The following ZNF273 variants were observed in gnomAD, a reference collection of about 807,000 sequenced individuals.
ZNF273 encodes the protein zinc finger protein 273.
ZNF273 carries 11 observed loss-of-function variants against 14.9 expected under a neutral mutation model. That is an observed-to-expected ratio of 0.74 (90% CI 0.46 to 1.22). The LOEUF (loss-of-function observed/expected upper bound fraction) is 1.22. Ranked by LOEUF, ZNF273 falls within the 50% of genes most tolerant of loss-of-function variation. ZNF273 has a pLI of 0.00. For missense variants in ZNF273, 577 were observed against 660.6 expected (o/e 0.87, Z 1.39); for synonymous variants, 199 against 223.9 (o/e 0.89, Z 0.99).
At chr7:64,924,413 T>C (rs1270197494) in intron 3 of ZNF273, 1 of 152,218 alleles carries the variant, frequency 6.6e-6, no homozygotes, top group Non-Finnish European at 1.5e-5. Flanking sequence ...GAAAATGGGA[T>C]ATTAAAATAG....
chr7:64,921,698 T>C (rs1794476315), intron 3 of ZNF273, among the ~76,000 whole-genome samples: 1 of 137,488 alleles, frequency 7.3e-6, no homozygotes, highest in East Asian at 2.4e-4. Flanking sequence ...CGATCTCGGC[T>C]CACTGCAATC....
At chr7:64,900,671 GGGGCGGC>G (rs1220979042), upstream of ZNF273, among the ~76,000 whole-genome samples, 1 of 152,142 alleles carries the variant, frequency 6.6e-6, no homozygotes, top group East Asian at 1.9e-4. Flanking sequence ...AATTAGGGTG[GGGGCGGC>G]CAGATTTTCA....
At chr7:64,925,760 T>G (rs1175085669) in intron 3 of ZNF273, among the ~76,000 whole-genome samples, 1 of 152,172 alleles carries the variant, frequency 6.6e-6, no homozygotes, top group African/African-American at 2.4e-5. Flanking sequence ...TTTTCCTCAT[T>G]ACATCTGCCC....
downstream of ZNF273, among the ~76,000 whole-genome samples, chr7:64,932,709 G>T (rs1029364204): frequency 6.6e-6 from 1 of 151,992 alleles, no homozygotes; most frequent in East Asian, 2.0e-4. Context: ...ATTACTTAAG[G>T]CCAGGAGTGC....
chr7:64,886,341 C>T (rs2129035829), intron 1 of ZNF273, among the ~76,000 whole-genome samples: 1 of 152,280 alleles, frequency 6.6e-6, no homozygotes, highest in South Asian at 2.1e-4. Flanking sequence ...GTAGACATGT[C>T]AGGATGCAGA....
chr7:64,917,508 C>T (rs1794090402), intron 1 of ZNF273, 73 bp from the exon 2 acceptor site: 1 of 1,547,796 alleles, frequency 6.5e-7, no homozygotes. Flanking sequence ...TTTCGCATTC[C>T]ACCTTGAGTC....
rs940127674 is a variant in ZNF273, at chr7:64,930,307, G to T, written c.*1269G>T. The T allele has an allele frequency of 1.3e-5, 2 of 152,074 alleles. No homozygotes were observed. The highest frequency in any genetic ancestry group is 3.9e-4 in the East Asian group (2 of 5,194). The allele number at this position is 152,074 out of a possible 1,614,324, so 9.4% of individuals were successfully genotyped here. A position where few individuals can be genotyped will look rare whatever the true frequency, so the allele number is the denominator to read the frequency against. On this transcript the variant is annotated 3_prime_UTR_variant, in exon 4 of 4. Transcript: ENST00000476120. ...GAAGAGTAAGAACATTAAAATGAAA[G>T]ATGCATGATGAAAATCTAAGTAGAG...
At chr7:64,891,681 CTTA>C (rs1404177345), downstream of ZNF273, among the ~76,000 whole-genome samples, 1 of 152,208 alleles carries the variant, frequency 6.6e-6, no homozygotes, top group Non-Finnish European at 1.5e-5. Context: ...CTTGCAGCTA[CTTA>C]TTATGTATCA....
In ZNF273 at chr7:64,928,555, A is replaced by AG; in HGVS notation, c.1228dup (p.Ala410GlyfsTer3). ...CCTACAAATGTGAAGAATGTGGTAA[A>AG]GCCTTTAAACGGTCCACAACTCTTA... is the stretch of plus-strand genomic sequence containing the variant. On this transcript the variant is annotated frameshift_variant, in exon 4 of 4. Coordinates refer to ENST00000476120, the MANE Select transcript of ZNF273 (RefSeq NM_021148.3). LOFTEE classifies it low-confidence loss of function (END_TRUNC). 6.2e-7 allele frequency: 1 copy of AG among 1,613,936 alleles called. No homozygotes were observed. Among genetic ancestry groups the AG allele is most frequent in the Admixed American group, 1.7e-5 (1 of 60,020 alleles).
At chr7:64,913,747 C>T (rs561346093) in intron 1 of ZNF273, among the ~76,000 whole-genome samples, 2 of 151,974 alleles carry the variant, frequency 1.3e-5, no homozygotes, top group African/African-American at 2.4e-5. Context: ...TTTAAAACAC[C>T]GATTCATGGA....
rs1562959220 is a variant in ZNF273 at position 64,912,846 on chromosome 7, T to TTTTTG, written c.103-4735_103-4734insTTTTG. Among the ~76,000 whole-genome samples, 91 of 98,274 alleles carry TTTTTG rather than the reference T, an allele frequency of 9.3e-4. 14 individuals carry two copies. Among genetic ancestry groups the TTTTTG allele is most frequent in the Non-Finnish European group, 2.0e-3 (79 of 39,256 alleles). The allele number at this position is 98,274 out of a possible 152,430, so 64.5% of individuals were successfully genotyped here. ...TTTTAGTTTTTTTTTTTTTTTTTTT[T>TTTTTG]GAGATTGAGTTTCGCTCTGTCATCC... On this transcript the variant is annotated intron_variant, in intron 1 of 3. Transcript: ENST00000476120.
At chr7:64,936,374 G>T in the ZNF273 span, among the ~76,000 whole-genome samples, 29 of 152,190 alleles carry the variant, frequency 1.9e-4, no homozygotes, top group Middle Eastern at 3.4e-3. Flanking sequence ...ATGCAATGTG[G>T]TGCACCTCCA....
upstream of ZNF273, among the ~76,000 whole-genome samples, chr7:64,902,884 T>C (rs1232041019): frequency 1.3e-5 from 2 of 152,206 alleles, no homozygotes; most frequent in Admixed American, 1.3e-4. Context: ...TGACTTTGAA[T>C]AGAATGGAAG....
chr7:64,880,348 T>C (rs1158145724), downstream of ZNF273: 1 of 152,094 alleles, frequency 6.6e-6, no homozygotes, highest in African/African-American at 2.4e-5. Context: ...AAGTTGCACT[T>C]CTATGATTTC....
intron 3 of ZNF273, among the ~76,000 whole-genome samples, chr7:64,925,586 C>T (rs111768753): frequency 7.3e-5 from 11 of 151,696 alleles, no homozygotes; most frequent in African/African-American, 1.7e-4. Flanking sequence ...TACAGGCGCG[C>T]GCCACCATGC....
At chr7:64,912,826 G>GTTTTTTGTTTTTTTTTTT in intron 1 of ZNF273, among the ~76,000 whole-genome samples, 2 of 36,566 alleles carry the variant, frequency 5.5e-5, no homozygotes, top group East Asian at 1.2e-3. Context: ...ATTCATTTTA[G>GTTTTTTGTTTTTTTTTTT]TTTTTTTTTT....
chr7:64,931,266 ACT>A (rs1217521604), downstream of ZNF273, among the ~76,000 whole-genome samples: 6 of 151,808 alleles, frequency 4.0e-5, no homozygotes, highest in Non-Finnish European at 7.4e-5. Flanking sequence ...GCAAATCTAT[ACT>A]CTCTCTGCTT....
chr7:64,918,089 G>A, intron 2 of ZNF273, 108 bp from the exon 3 acceptor site: 1 of 995,806 alleles, frequency 1.0e-6, no homozygotes. Context: ...AGATATTTTG[G>A]GATTAATTTA....
At chr7:64,888,209 C>T (rs182931271) in intron 1 of ZNF273, 61 of 739,650 alleles carry the variant, frequency 8.2e-5, no homozygotes, top group Non-Finnish European at 9.6e-5. Flanking sequence ...TGAAGCCTGG[C>T]TGCTGCTGCT....
Sources: allele counts gnomAD v4.1 joint callset (sites outside exome capture counted in the v4.1 genomes callset), GRCh38; gene constraint gnomAD v4.1.1; transcripts MANE v1.5; gene names NCBI Gene and HGNC (gene_info 2026-07-23, HGNC 2026-07-21).